Variants in STK32B observed in about 807,000 individuals in gnomAD.
STK32B encodes serine/threonine kinase 32B.
A neutral mutation model predicts 52.6 loss-of-function variants in STK32B; 43 were observed. The observed-to-expected ratio is 0.82, with a 90% CI of 0.64 to 1.05. The LOEUF (loss-of-function observed/expected upper bound fraction) is 1.05. Among genes scored for constraint, STK32B ranks in the 50% least tolerant of loss-of-function variants. The pLI is 0.00. For missense variants in STK32B, 621 were observed against 534.6 expected, an observed-to-expected ratio of 1.16 and a Z score of -1.59; for synonymous variants, 238 against 204.3, an observed-to-expected ratio of 1.17 and a Z score of -1.41.
chr4:5,449,183 A>C (rs1715748286), intron 7 of STK32B, among the ~76,000 whole-genome samples: 1 of 152,190 alleles, frequency 6.6e-6, no homozygotes, highest in South Asian at 2.1e-4. Flanking sequence ...TCTACTAAAA[A>C]TACAAAAAAA....
chr4:5,236,960 T>G (rs568812856), intron 3 of STK32B, among the ~76,000 whole-genome samples: 2 of 152,332 alleles, frequency 1.3e-5, no homozygotes, highest in African/African-American at 4.8e-5. Context: ...GTCAAACATT[T>G]TGCCAAAGCA....
intron 3 of STK32B, among the ~76,000 whole-genome samples, chr4:5,317,536 C>CATATATATATATATAT (rs201529318): frequency 1.6e-4 from 15 of 93,520 alleles, no homozygotes; most frequent in African/African-American, 1.0e-3. Context: ...ATATATATTA[C>CATATATATATATATAT]ATGTATATAT....
At chr4:5,104,254 T>C (rs1713979950) in intron 1 of STK32B, among the ~76,000 whole-genome samples, 1 of 152,190 alleles carries the variant, frequency 6.6e-6, no homozygotes, top group Non-Finnish European at 1.5e-5. Context: ...GATGGTTTTA[T>C]GAAGGAGAGT....
intron 3 of STK32B, among the ~76,000 whole-genome samples, chr4:5,316,401 TATAATATATA>T (rs1730749365): frequency 2.7e-5 from 1 of 37,012 alleles, no homozygotes; most frequent in Non-Finnish European, 3.6e-5. Flanking sequence ...ATATTACATA[TATAATATATA>T]ATATATATTA....
chr4:5,147,364 A>G (rs529284941), intron 2 of STK32B, among the ~76,000 whole-genome samples: 4 of 152,194 alleles, frequency 2.6e-5, no homozygotes, highest in Admixed American at 2.6e-4. Flanking sequence ...TCTGTCAACA[A>G]TCATTCTATT....
At chr4:5,152,061 G>C (rs1207232199) in intron 2 of STK32B, among the ~76,000 whole-genome samples, 4 of 152,200 alleles carry the variant, frequency 2.6e-5, no homozygotes, top group Non-Finnish European at 5.9e-5. Flanking sequence ...GAAACCTTCT[G>C]TGGAATCAGA....
intron 1 of STK32B, among the ~76,000 whole-genome samples, chr4:5,071,865 T>C (rs1711799787): frequency 6.6e-6 from 1 of 152,220 alleles, no homozygotes. Flanking sequence ...ATTTCTGTGA[T>C]ATGATGGGTA....
chr4:5,211,516 G>A (rs917003034), intron 3 of STK32B, among the ~76,000 whole-genome samples: 3 of 130,354 alleles, frequency 2.3e-5, no homozygotes, highest in Non-Finnish European at 5.1e-5. Flanking sequence ...TCCCCAGGAG[G>A]ACCAGGGGGA....
chr4:5,143,368 A>G (rs1716652664), intron 2 of STK32B, among the ~76,000 whole-genome samples: 1 of 152,152 alleles, frequency 6.6e-6, no homozygotes, highest in African/African-American at 2.4e-5. Context: ...TTATTCAGAA[A>G]TCATGTTGTA....
chr4:5,462,191 A>G (rs571269640), intron 9 of STK32B, among the ~76,000 whole-genome samples: 13 of 151,004 alleles, frequency 8.6e-5, no homozygotes, highest in South Asian at 8.4e-4. Context: ...GTCTGTGTGC[A>G]TGCCCGTGGT....
intron 1 of STK32B, among the ~76,000 whole-genome samples, chr4:5,085,645 C>T (rs2108778849): frequency 6.6e-6 from 1 of 152,228 alleles, no homozygotes; most frequent in Non-Finnish European, 1.5e-5. Context: ...TCCATAGTTT[C>T]ATAAAAGCAA....
chr4:5,284,090 A>G lies in STK32B; in HGVS notation c.261-47130A>G, dbSNP rs149444778. Among the ~76,000 whole-genome samples the G allele has an allele frequency of 9.9e-3, 1,508 of 152,262 alleles. 11 individuals carry two copies. The highest frequency in any genetic ancestry group is 0.016 in the Non-Finnish European group (1,108 of 67,978). On this transcript the variant is annotated intron_variant, in intron 3 of 11. Coordinates refer to ENST00000282908, the MANE Select transcript of STK32B (RefSeq NM_018401.3). ...ATGTAAATTTTGAAATCAAAATTGT[A>G]AAAGAGGGAGAGGGAGTGAATGCAT...
At chr4:5,422,329 A>C (rs111993040) in intron 6 of STK32B, among the ~76,000 whole-genome samples, 27 of 152,128 alleles carry the variant, frequency 1.8e-4, no homozygotes, top group Non-Finnish European at 3.1e-4. Flanking sequence ...AGGTTTGTTT[A>C]TTTCACTCAC....
intron 11 of STK32B, among the ~76,000 whole-genome samples, chr4:5,495,461 C>G (rs1274411171): frequency 6.6e-6 from 1 of 152,186 alleles, no homozygotes; most frequent in Non-Finnish European, 1.5e-5. Flanking sequence ...ATTGGTTATT[C>G]TAGTTATACA....
rs1737076175 is a variant in STK32B, at chr4:5,398,610, C to G, written c.472+366C>G. 6.6e-6 allele frequency among the ~76,000 whole-genome samples: 1 copy of G among 152,124 alleles called. No individual in the cohort carries two copies. Among genetic ancestry groups the G allele is most frequent in the South Asian group, 2.1e-4 (1 of 4,832 alleles). ...GAGCCTCAGTGTAATTTTCTGTAAA[C>G]TGGGGAGAAGGCACCTCCCTTGCAG... On this transcript the variant is annotated intron_variant, in intron 5 of 11. Coordinates refer to ENST00000282908, the MANE Select transcript of STK32B (RefSeq NM_018401.3). The surrounding 1 kb of genome is among the most constrained non-coding windows in gnomAD (Gnocchi z 4.9).
At chr4:5,181,993 T>A (rs758771820) in intron 3 of STK32B, among the ~76,000 whole-genome samples, 9 of 152,280 alleles carry the variant, frequency 5.9e-5, no homozygotes, top group Non-Finnish European at 1.3e-4. Flanking sequence ...AAAACTCTGC[T>A]GCTGATTTCT....
intron 1 of STK32B, among the ~76,000 whole-genome samples, chr4:5,132,668 C>A (rs1270138555): frequency 6.6e-6 from 1 of 152,054 alleles, no homozygotes; most frequent in African/African-American, 2.4e-5. Context: ...GGATTTCAGC[C>A]CAGGGAGACT....
At chr4:5,316,075 G>C (rs1255168958) in intron 3 of STK32B, among the ~76,000 whole-genome samples, 2 of 130,250 alleles carry the variant, frequency 1.5e-5, no homozygotes, top group African/African-American at 6.6e-5. Context: ...TTTTGATGGA[G>C]AATATATATG....
chr4:5,249,130 G>A (rs1036204034), intron 3 of STK32B, among the ~76,000 whole-genome samples: 2 of 152,116 alleles, frequency 1.3e-5, no homozygotes, highest in African/African-American at 4.8e-5. Context: ...TACTTTTGCA[G>A]TGTGCTAACA....
Sources: allele counts gnomAD v4.1 joint callset (sites outside exome capture counted in the v4.1 genomes callset), GRCh38; gene constraint gnomAD v4.1.1; non-coding constraint Gnocchi (gnomAD v3.1); transcripts MANE v1.5; gene names NCBI Gene and HGNC (gene_info 2026-07-23, HGNC 2026-07-21).